The following ZNF320 variants were observed in gnomAD, a reference collection of about 807,000 sequenced individuals.
The protein encoded by ZNF320 is zinc finger gene 320.
In ZNF320, 2 loss-of-function variants were observed where a neutral mutation model predicts 6.8. That is an observed-to-expected ratio of 0.29 (90% CI 0.12 to 0.93). ZNF320 has a LOEUF of 0.93. Ranked by LOEUF, ZNF320 falls within the 40% of genes least tolerant of loss-of-function variation. The pLI, the probability that ZNF320 is intolerant of heterozygous loss-of-function variation, is 0.55. For synonymous variants in ZNF320, 208 were observed against 203.2 expected, an observed-to-expected ratio of 1.02 and a Z score of -0.20; for missense variants, 472 against 611.0, an observed-to-expected ratio of 0.77 and a Z score of 2.40.
downstream of ZNF320, among the ~76,000 whole-genome samples, chr19:52,875,363 G>A (rs1177066391): frequency 6.6e-6 from 1 of 152,144 alleles, no homozygotes; most frequent in Non-Finnish European, 1.5e-5. Context: ...AGGCCTGCAG[G>A]GGACATGGGT....
upstream of ZNF320, among the ~76,000 whole-genome samples, chr19:52,901,736 CTTTATG>C (rs1176140576): frequency 2.6e-5 from 4 of 152,316 alleles, no homozygotes; most frequent in African/African-American, 9.6e-5. Flanking sequence ...ATTAAAGGGA[CTTTATG>C]TTTATGTTTT....
exon 6 of ZNF320, chr19:52,862,883 A>T (rs933002036): frequency 9.6e-5 from 29 of 302,662 alleles, no homozygotes; most frequent in Middle Eastern, 6.9e-4. Flanking sequence ...AATTACAACA[A>T]ATTAGCTGGG....
intron 5 of ZNF320, among the ~76,000 whole-genome samples, chr19:52,866,006 T>C (rs2063557028): frequency 1.1e-5 from 1 of 87,726 alleles, no homozygotes; most frequent in Admixed American, 1.2e-4. Context: ...TATACATATA[T>C]ATTTATATAT....
chr19:52,889,917 C>A (rs1263291770), intron 4 of ZNF320, among the ~76,000 whole-genome samples: 2 of 152,162 alleles, frequency 1.3e-5, no homozygotes, highest in African/African-American at 2.4e-5. Flanking sequence ...CCACGGAGAG[C>A]TGACAGAGCA....
At position 52,881,328 on chromosome 19, in the gene ZNF320, C is replaced by G. The variant is rs1347385165; in HGVS notation, c.798G>C (p.Leu266=). 1 of 1,613,730 alleles carries G rather than the reference C, an allele frequency of 6.2e-7. No individual in the cohort carries two copies. The stretch of plus-strand genomic sequence containing the variant: ...ATTTGTAAGGTTTCTCTCCAGTATG[C>G]AGTCTATGATGGTACACAAGGTGTG... ...QTSHLVYHHR[L]HTGEKPYKCN... is the part of the protein sequence containing the mutation. Residue 266 remains leucine (L), a synonymous_variant, in exon 6 of 6, where the codon CTG becomes CTC. Coordinates refer to ENST00000682928, the MANE Select transcript of ZNF320 (RefSeq NM_001351774.2).
At chr19:52,900,436 T>C (rs931832513), upstream of ZNF320, among the ~76,000 whole-genome samples, 2 of 152,200 alleles carry the variant, frequency 1.3e-5, no homozygotes, top group African/African-American at 4.8e-5. Flanking sequence ...GAACTGGGTT[T>C]GTAGGAACTA....
chr19:52,867,400 G>A (rs1476812457), intron 5 of ZNF320, among the ~76,000 whole-genome samples: 2 of 151,966 alleles, frequency 1.3e-5, no homozygotes, highest in African/African-American at 4.8e-5. Context: ...GTTTCACCAT[G>A]TTGGCCAGGC....
chr19:52,862,401 C>T (rs548932823), exon 6 of ZNF320: 51 of 457,274 alleles, frequency 1.1e-4, no homozygotes, highest in African/African-American at 5.2e-4. Flanking sequence ...CTGTGATTTA[C>T]GACTGAAAAC....
At chr19:52,883,261 C>CGAACTCCTGT (rs1185178871) in intron 5 of ZNF320, among the ~76,000 whole-genome samples, 1 of 151,992 alleles carries the variant, frequency 6.6e-6, no homozygotes, top group Non-Finnish European at 1.5e-5. Context: ...AGGCTAGTCT[C>CGAACTCCTGT]GAACTCCTGT....
chr19:52,896,874 T>C (rs888191601), intron 1 of ZNF320, among the ~76,000 whole-genome samples: 4 of 152,096 alleles, frequency 2.6e-5, no homozygotes, highest in African/African-American at 4.8e-5. Flanking sequence ...CCCTCCTCCT[T>C]CCACCACGTC....
chr19:52,889,525 G>A (rs977950384), intron 4 of ZNF320, among the ~76,000 whole-genome samples: 4 of 152,026 alleles, frequency 2.6e-5, no homozygotes, highest in Admixed American at 6.6e-5. Context: ...AAGAAGTACC[G>A]CTGCCATATT....
At chr19:52,870,551 TTG>T (rs35330684) in intron 5 of ZNF320, among the ~76,000 whole-genome samples, 27,563 of 151,208 alleles carry the variant, frequency 0.18, 2,771 homozygotes, top group East Asian at 0.27. Context: ...ATGGCAAATG[TTG>T]TGTTTTCTAC....
In ZNF320 at chr19:52,877,441, G is replaced by A. The variant is rs575911187; in HGVS notation, c.*3155C>T. On this transcript the variant is annotated 3_prime_UTR_variant, in exon 6 of 6. Coordinates refer to ENST00000682928, the MANE Select transcript of ZNF320 (RefSeq NM_001351774.2). The stretch of plus-strand genomic sequence containing the variant: ...GGATAAGTCACTTATGCCTTAGGCT[G>A]GCTCAGGGACCCTGTATTTTTACAT... 3.9e-5 allele frequency: 6 copies of A among 152,290 alleles called. No homozygotes were observed. In the South Asian group the frequency reaches 6.2e-4, roughly 16 times the overall value. 9.4% of individuals were successfully genotyped at this position (152,290 alleles called of 1,614,324 possible). A position where few individuals can be genotyped will look rare whatever the true frequency, so the allele number is the denominator to read the frequency against.
rs2063806658 is a variant in ZNF320, at chr19:52,877,968, T to C, written c.*2628A>G. 2 of 152,196 alleles carry C rather than the reference T, an allele frequency of 1.3e-5. No individual in the cohort carries two copies. 9.4% of individuals were successfully genotyped at this position (152,196 alleles called of 1,614,324 possible). A position where few individuals can be genotyped will look rare whatever the true frequency, so the allele number is the denominator to read the frequency against. ...CTTTTTTTAAATGAAAAGTCTCACA[T>C]ATTTATTACTGAACCAAGCCAACAA... On this transcript the variant is annotated 3_prime_UTR_variant, in exon 6 of 6. Transcript: ENST00000682928.
At chr19:52,870,945 G>A (rs953333087) in intron 5 of ZNF320, among the ~76,000 whole-genome samples, 6 of 151,678 alleles carry the variant, frequency 4.0e-5, no homozygotes, top group South Asian at 2.1e-4. Flanking sequence ...AGGATTTCCC[G>A]ACCAGCCTGA....
downstream of ZNF320, among the ~76,000 whole-genome samples, chr19:52,872,875 A>G (rs1314002745): frequency 1.3e-5 from 2 of 152,166 alleles, no homozygotes; most frequent in East Asian, 3.9e-4. Context: ...GGTGATGGTG[A>G]GGAGAGGGTC....
At chr19:52,896,427 A>C (rs547081050) in intron 1 of ZNF320, among the ~76,000 whole-genome samples, 1 of 152,274 alleles carries the variant, frequency 6.6e-6, no homozygotes, top group South Asian at 2.1e-4. Flanking sequence ...TTAAGAAACA[A>C]GGCGGGCATG....
intron 1 of ZNF320, chr19:52,894,365 CAG>C (rs1000188425): frequency 7.4e-6 from 1 of 135,494 alleles, no homozygotes; most frequent in Non-Finnish European, 1.5e-5. Context: ...GCCTGGGTGA[CAG>C]AGCAAGACTG....
intron 3 of ZNF320, 120 bp from the exon 4 acceptor site, chr19:52,890,448 C>T: frequency 8.5e-6 from 7 of 821,274 alleles, no homozygotes; most frequent in Non-Finnish European, 1.1e-5. Flanking sequence ...CTGCCCACTG[C>T]CCCAGGGATG....
Sources: allele counts gnomAD v4.1 joint callset (sites outside exome capture counted in the v4.1 genomes callset), GRCh38; gene constraint gnomAD v4.1.1; transcripts MANE v1.5; gene names NCBI Gene and HGNC (gene_info 2026-07-23, HGNC 2026-07-21).